Variants in BANK1 observed in about 807,000 individuals in gnomAD.
BANK1 encodes the protein B-cell scaffold protein with ankyrin repeats.
BANK1 carries 95 observed loss-of-function variants against 94.5 expected under a neutral mutation model. The ratio of observed to expected loss-of-function variants is 1.00; its 90% CI spans 0.85 to 1.19. The LOEUF is 1.19. Among genes scored for constraint, BANK1 ranks in the 50% most tolerant of loss-of-function variants. BANK1 has a pLI of 0.00. For synonymous variants in BANK1, 334 were observed against 308.4 expected (o/e 1.08, Z -0.87); for missense variants, 987 against 932.2 (o/e 1.06, Z -0.77).
Position 101,944,058 on chromosome 4 carries a change from G to A in BANK1, c.1206+25869G>A, listed in dbSNP as rs186298991. ...TGTGTGTGAGAGAGAGAGAGAGAGA[G>A]AGAGAGACAGACAGACAGAGAGAGA... On this transcript the variant is annotated intron_variant, in intron 7 of 16. Coordinates refer to ENST00000322953, the MANE Select transcript of BANK1 (RefSeq NM_017935.5). Among the ~76,000 whole-genome samples, 838 of 151,592 alleles carry A rather than the reference G, an allele frequency of 5.5e-3. 5 individuals carry two copies. Among genetic ancestry groups the A allele is most frequent in the Non-Finnish European group, 8.8e-3 (597 of 67,778 alleles).
chr4:101,799,791 A>C (rs983095985), intron 1 of BANK1, among the ~76,000 whole-genome samples: 1 of 152,004 alleles, frequency 6.6e-6, no homozygotes, highest in Non-Finnish European at 1.5e-5. Flanking sequence ...GGAGAATGGC[A>C]TGAACCTGGG....
At chr4:102,017,061 A>G (rs1726727459) in intron 7 of BANK1, among the ~76,000 whole-genome samples, 1 of 152,230 alleles carries the variant, frequency 6.6e-6, no homozygotes, top group East Asian at 1.9e-4. Flanking sequence ...TATTCAAATT[A>G]TTACAAGTTT....
intron 7 of BANK1, among the ~76,000 whole-genome samples, chr4:102,013,722 G>T (rs1458292103): frequency 6.6e-6 from 1 of 151,456 alleles, no homozygotes; most frequent in Non-Finnish European, 1.5e-5. Flanking sequence ...TTGAAGATTT[G>T]GAGGTCTTTA....
chr4:101,827,715 T>C lies in BANK1; in HGVS notation c.71-2093T>C, dbSNP rs116061296. Among the ~76,000 whole-genome samples the C allele has an allele frequency of 8.3e-3, 1,267 of 152,090 alleles. 9 individuals are homozygous for C. Among genetic ancestry groups the C allele is most frequent in the Non-Finnish European group, 0.014 (974 of 67,876 alleles). ...TTTTCCTCTATTATTTAAATTTTGATTACAGTTACACTTTCATATAAAACA... is the reference window on the plus strand; with the variant it reads ...TTTTCCTCTATTATTTAAATTTTGACTACAGTTACACTTTCATATAAAACA... On this transcript the variant is annotated intron_variant, in intron 1 of 16. Transcript: ENST00000322953.
intron 6 of BANK1, among the ~76,000 whole-genome samples, chr4:101,897,868 A>G (rs28396651): frequency 0.53 from 80,090 of 151,582 alleles, 22,909 homozygotes; most frequent in East Asian, 0.68. Context: ...ATTTTGACAC[A>G]GAAAAAAATA....
chr4:102,007,099 TTA>T lies in BANK1; in HGVS notation c.1207-14404_1207-14403del, dbSNP rs1218902003. On this transcript the variant is annotated intron_variant, in intron 7 of 16. Coordinates refer to ENST00000322953, the MANE Select transcript of BANK1 (RefSeq NM_017935.5). ...ATATATAAATATATATATAATATAT[TTA>T]TATATATATAAATATATATTTTATA... is the stretch of plus-strand genomic sequence containing the variant. 7.3e-3 allele frequency among the ~76,000 whole-genome samples: 514 copies of T among 70,338 alleles called. 3 individuals are homozygous for T. The highest frequency in any genetic ancestry group is 9.4e-3 in the Non-Finnish European group (296 of 31,464). The allele number at this position is 70,338 out of a possible 152,430, so 46.1% of individuals were successfully genotyped here.
chr4:101,875,686 C>A (rs915542146), intron 5 of BANK1, among the ~76,000 whole-genome samples: 12 of 152,154 alleles, frequency 7.9e-5, no homozygotes, highest in African/African-American at 2.9e-4. Flanking sequence ...AACCATATAA[C>A]CCACTTGTGG....
intron 9 of BANK1, 48 bp from the exon 10 acceptor site, chr4:102,029,912 G>A: frequency 6.6e-7 from 1 of 1,522,678 alleles, no homozygotes; most frequent in Non-Finnish European, 8.8e-7. Context: ...CACCAATAAT[G>A]TTGCATGTAA....
chr4:101,822,864 C>T (rs1240300565), intron 1 of BANK1, among the ~76,000 whole-genome samples: 2 of 152,156 alleles, frequency 1.3e-5, no homozygotes, highest in Non-Finnish European at 2.9e-5. Context: ...ATCCGCCCGC[C>T]TCGGCCTCCC....
In BANK1 at chr4:102,072,365, G is replaced by A; in HGVS notation, c.2263G>A (p.Glu755Lys). The A allele has an allele frequency of 6.3e-7, 1 of 1,595,220 alleles. No individual in the cohort carries two copies. Among genetic ancestry groups the A allele is most frequent in the Non-Finnish European group, 8.6e-7 (1 of 1,163,772 alleles). ...TCTAGGTAAGGAAACTGCCCACAAT[G>A]AAAATAAGTTTTATAATGTACACTT... is the stretch of plus-strand genomic sequence containing the variant. The part of the protein sequence containing the change: ...HPGGKETAHN[E>K]NKFYNVHFSN... The change falls in exon 15 of 17, where the codon GAA becomes AAA. Residue 755 changes from glutamate (E) to lysine (K), a missense_variant. Transcript: ENST00000322953.
chr4:101,792,169 G>T (rs1211339115), intron 1 of BANK1, among the ~76,000 whole-genome samples: 2 of 151,940 alleles, frequency 1.3e-5, no homozygotes, highest in Non-Finnish European at 1.5e-5. Flanking sequence ...ATACTTTGAG[G>T]CACTTGCTAT....
chr4:101,985,439 T>C (rs1013952526), intron 7 of BANK1, among the ~76,000 whole-genome samples: 1 of 152,152 alleles, frequency 6.6e-6, no homozygotes, highest in Admixed American at 6.6e-5. Flanking sequence ...TACATAAAAT[T>C]AACAATCACT....
chr4:101,836,569 A>G (rs1726837763), intron 2 of BANK1, among the ~76,000 whole-genome samples: 1 of 152,178 alleles, frequency 6.6e-6, no homozygotes, highest in African/African-American at 2.4e-5. Flanking sequence ...CAAACCTAGA[A>G]AGGACAAATT....
intron 7 of BANK1, among the ~76,000 whole-genome samples, chr4:102,020,378 TTTAGTGG>T (rs1726855670): frequency 6.6e-6 from 1 of 152,094 alleles, no homozygotes; most frequent in African/African-American, 2.4e-5. Flanking sequence ...CATATTAGAA[TTTAGTGG>T]AGTCCATCAA....
chr4:101,886,901 G>C (rs556017288), intron 5 of BANK1, among the ~76,000 whole-genome samples: 5 of 152,144 alleles, frequency 3.3e-5, no homozygotes, highest in Non-Finnish European at 7.4e-5. Flanking sequence ...GGGGATGCTA[G>C]TCGTTCCCCA....
Position 101,794,345 on chromosome 4 carries a change from A to C in BANK1, c.70+3395A>C, listed in dbSNP as rs934753241. On this transcript the variant is annotated intron_variant, in intron 1 of 16. Transcript: ENST00000322953. ...AAAATATTTACTACTGGGTTAAAAC[A>C]AAATTACAATATAAAATGAGGAACA... Among the ~76,000 whole-genome samples the C allele has an allele frequency of 2.0e-5, 3 of 152,280 alleles. No individual in the cohort carries two copies. The South Asian group carries it at 6.2e-4, about 32-fold the overall frequency.
At chr4:101,911,451 G>T (rs1722661628) in intron 6 of BANK1, among the ~76,000 whole-genome samples, 1 of 152,084 alleles carries the variant, frequency 6.6e-6, no homozygotes, top group Non-Finnish European at 1.5e-5. Context: ...CCTAGTATAT[G>T]ATTTCCTACA....
chr4:101,911,818 C>T (rs772726261), intron 6 of BANK1, among the ~76,000 whole-genome samples: 5 of 152,168 alleles, frequency 3.3e-5, no homozygotes, highest in Non-Finnish European at 7.3e-5. Context: ...ATATGCTGCA[C>T]TGAACTGTCT....
chr4:101,920,160 G>C (rs1208046520), intron 7 of BANK1, among the ~76,000 whole-genome samples: 16 of 151,916 alleles, frequency 1.1e-4, no homozygotes, highest in Admixed American at 1.1e-3. Flanking sequence ...CCGTAGGTGG[G>C]AATTGAACAG....
Sources: gnomAD v4.1 joint callset for allele counts (sites outside exome capture counted in the v4.1 genomes callset) on GRCh38, gnomAD v4.1.1 for gene constraint, MANE v1.5 for transcripts, NCBI Gene and HGNC (gene_info 2026-07-23, HGNC 2026-07-21) for gene names.